The following MFSD8 variants were observed in gnomAD, a reference collection of about 807,000 sequenced individuals.
MFSD8 encodes the protein major facilitator superfamily domain-containing protein 8.
Under a neutral mutation model 66.4 loss-of-function variants are expected in MFSD8, and 55 were observed. That is an observed-to-expected ratio of 0.83 (90% CI 0.67 to 1.04). The LOEUF (loss-of-function observed/expected upper bound fraction) is 1.04, where lower values mean the gene tolerates loss of function less well. MFSD8 is among the 50% of genes least tolerant of loss of function. The pLI is 0.00. For missense variants in MFSD8, 550 were observed against 627.6 expected (o/e 0.88, Z 1.32); for synonymous variants, 202 against 212.8 (o/e 0.95, Z 0.44).
Position 127,943,728 on chromosome 4 carries a change from CCAAA to C in MFSD8, c.439+20_439+23del, listed in dbSNP as rs1740580816. On this transcript the variant is annotated intron_variant, in intron 4 of 11. Coordinates refer to ENST00000641686, the MANE Select transcript of MFSD8 (RefSeq NM_001371596.2). Reference sequence around the variant, plus strand: ...CAGAATGAATGTGAATATGACACAACCAAACATATACATACAACCTTACCTGCTC... The same window carrying C: ...CAGAATGAATGTGAATATGACACAACCATATACATACAACCTTACCTGCTC... The C allele has an allele frequency of 6.2e-7, 1 of 1,613,740 alleles. No homozygotes were observed. The highest frequency in any genetic ancestry group is 1.3e-5 in the African/African-American group (1 of 74,906).
At chr4:127,925,506 C>T (rs1225746347) in intron 9 of MFSD8, among the ~76,000 whole-genome samples, 1 of 152,184 alleles carries the variant, frequency 6.6e-6, no homozygotes, top group Non-Finnish European at 1.5e-5. Context: ...CATCACTGGT[C>T]ATTAGAGAAA....
At chr4:127,921,999 A>C (rs767246880) in intron 9 of MFSD8, 36 bp from the exon 10 acceptor site, 3 of 1,540,854 alleles carry the variant, frequency 1.9e-6, no homozygotes, top group African/African-American at 1.4e-5. Flanking sequence ...TTTTAAAATG[A>C]AACATTATAA....
intron 1 of MFSD8, 157 bp downstream of exon 1, chr4:127,964,915 A>G: frequency 1.2e-6 from 1 of 851,312 alleles, no homozygotes; most frequent in Non-Finnish European, 1.9e-6. Flanking sequence ...CTACGTTGGG[A>G]GCGAATCTCC....
chr4:127,938,338 C>T (rs2148899789), intron 7 of MFSD8, among the ~76,000 whole-genome samples: 1 of 152,144 alleles, frequency 6.6e-6, no homozygotes, highest in South Asian at 2.1e-4. Flanking sequence ...AATCCCAGCA[C>T]TTTGGGAGGC....
chr4:127,929,930 C>T (rs1041518600), intron 9 of MFSD8, among the ~76,000 whole-genome samples: 7 of 152,120 alleles, frequency 4.6e-5, no homozygotes, highest in Non-Finnish European at 8.8e-5. Context: ...AACATATGTA[C>T]ATCTATCATG....
chr4:127,930,672 A>C lies in MFSD8; in HGVS notation c.998+11T>G. The C allele has an allele frequency of 6.2e-7, 1 of 1,613,508 alleles. No homozygotes were observed. The highest frequency in any genetic ancestry group is 1.1e-5 in the South Asian group (1 of 90,908). Reference sequence around the variant, plus strand: ...TAAAAACAGACATAAAACCAAAAACACTTAACTTACTTTTTGGAAAGCAAC... The same window carrying C: ...TAAAAACAGACATAAAACCAAAAACCCTTAACTTACTTTTTGGAAAGCAAC... On this transcript the variant is annotated intron_variant, in intron 9 of 11. Transcript: ENST00000641686.
At chr4:127,962,301 T>C (rs1743918292) in intron 1 of MFSD8, among the ~76,000 whole-genome samples, 1 of 152,050 alleles carries the variant, frequency 6.6e-6, no homozygotes, top group Admixed American at 6.6e-5. Flanking sequence ...ACCCTGTCTT[T>C]ACCAAAAATA....
chr4:127,931,520 G>A (rs1276498018), intron 8 of MFSD8, among the ~76,000 whole-genome samples: 1 of 152,058 alleles, frequency 6.6e-6, no homozygotes, highest in Non-Finnish European at 1.5e-5. Flanking sequence ...ACCATACCCA[G>A]TTAATTTTTG....
chr4:127,932,409 A>G (rs1051961262), intron 8 of MFSD8: 2 of 152,426 alleles, frequency 1.3e-5, no homozygotes, highest in Non-Finnish European at 2.9e-5. Context: ...AACACAAACT[A>G]AAGTATTAGC....
At position 127,920,788 on chromosome 4, in the gene MFSD8, G is replaced by T. The variant is rs754100928; in HGVS notation, c.1399C>A (p.Leu467Ile). The change falls in exon 12 of 12, where the codon CTT (leucine) becomes ATT (isoleucine). Residue 467 changes from leucine (L) to isoleucine (I), a missense_variant. By Grantham distance (5) the Leu-to-Ile change is conservative (BLOSUM62 2). Transcript: ENST00000641686. Reference sequence around the variant, plus strand: ...ACTTGGCTGATGAACATAGGCCCAAGAATCCGGGCTCCACTTCCAGATGCT... The same window carrying T: ...ACTTGGCTGATGAACATAGGCCCAATAATCCGGGCTCCACTTCCAGATGCT... Reference protein sequence around the residue: ...LTASGSGARILGPMFISQVYA... With the variant: ...LTASGSGARIIGPMFISQVYA... 1.2e-6 allele frequency: 2 copies of T among 1,614,080 alleles called. No individual in the cohort carries two copies. Among genetic ancestry groups the T allele is most frequent in the Admixed American group, 1.7e-5 (1 of 59,986 alleles).
At chr4:127,952,175 G>A (rs539708696) in intron 2 of MFSD8, among the ~76,000 whole-genome samples, 5 of 151,830 alleles carry the variant, frequency 3.3e-5, no homozygotes, top group Admixed American at 1.3e-4. Context: ...GGAGGCCTGG[G>A]TGGGCGGATC....
intron 2 of MFSD8, among the ~76,000 whole-genome samples, chr4:127,956,332 G>C (rs1742856995): frequency 6.7e-6 from 1 of 150,018 alleles, no homozygotes. Flanking sequence ...GTGAAACCCC[G>C]TCTCTACTAA....
intron 1 of MFSD8, among the ~76,000 whole-genome samples, chr4:127,962,675 C>CA (rs902088559): frequency 9.3e-5 from 14 of 150,096 alleles, no homozygotes; most frequent in African/African-American, 1.7e-4. Context: ...GACCCCGTCT[C>CA]AAAAAAAAAG....
At chr4:127,938,387 TC>T (rs1417932360) in intron 7 of MFSD8, among the ~76,000 whole-genome samples, 3 of 151,736 alleles carry the variant, frequency 2.0e-5, no homozygotes, top group Non-Finnish European at 4.4e-5. Context: ...ATCGAGACCA[TC>T]CTGGCTAACA....
chr4:127,963,695 C>G (rs1446267684), intron 1 of MFSD8, among the ~76,000 whole-genome samples: 1 of 152,140 alleles, frequency 6.6e-6, no homozygotes, highest in Non-Finnish European at 1.5e-5. Flanking sequence ...TCATAAAAGC[C>G]GTATGGTCCC....
At chr4:127,964,973 C>G in intron 1 of MFSD8, 99 bp downstream of exon 1, 1 of 1,443,200 alleles carries the variant, frequency 6.9e-7, no homozygotes, top group Non-Finnish European at 9.5e-7. Flanking sequence ...TGGAACCCCT[C>G]TGGCAGCGAG....
chr4:127,922,128 C>A (rs1169903827), intron 9 of MFSD8, 165 bp from the exon 10 acceptor site: 1 of 773,784 alleles, frequency 1.3e-6, no homozygotes, highest in African/African-American at 1.8e-5. Context: ...CAGGACTCCT[C>A]TGAAAAATGG....
At position 127,930,781 on chromosome 4, in the gene MFSD8, C is replaced by G; in HGVS notation, c.900G>C (p.Trp300Cys). ...ITPLTMDMYAWTQEQAVLYNG... is the reference protein window; with the variant it reads ...ITPLTMDMYACTQEQAVLYNG... ...TATATAACACAGCTTGTTCTTGAGT[C>G]CAGGCATACATATCCATTGTTAATG... Residue 300 changes from tryptophan (W) to cysteine (C), a missense_variant, in exon 9 of 12, where the codon TGG (tryptophan) becomes TGC (cysteine). Coordinates refer to ENST00000641686, the MANE Select transcript of MFSD8 (RefSeq NM_001371596.2). The G allele has an allele frequency of 6.2e-7, 1 of 1,612,208 alleles. No individual in the cohort carries two copies. Among genetic ancestry groups the G allele is most frequent in the Non-Finnish European group, 8.5e-7 (1 of 1,179,296 alleles).
At chr4:127,924,248 C>T (rs1303484510) in intron 9 of MFSD8, among the ~76,000 whole-genome samples, 1 of 152,000 alleles carries the variant, frequency 6.6e-6, no homozygotes, top group Non-Finnish European at 1.5e-5. Context: ...GGAATTTATC[C>T]GTGTCTTCTA....
Sources: allele counts gnomAD v4.1 joint callset (sites outside exome capture counted in the v4.1 genomes callset), GRCh38; gene constraint gnomAD v4.1.1; transcripts MANE v1.5; gene names NCBI Gene and HGNC (gene_info 2026-07-23, HGNC 2026-07-21).